Variants in ERBB4 observed in about 807,000 individuals in gnomAD.
ERBB4 encodes receptor tyrosine-protein kinase erbB-4.
Under a neutral mutation model 158.0 loss-of-function variants are expected in ERBB4, and 42 were observed. That is an observed-to-expected ratio of 0.27 (90% CI 0.21 to 0.34). The LOEUF (loss-of-function observed/expected upper bound fraction) is 0.34, where lower values mean the gene tolerates loss of function less well. ERBB4 is among the 10% of genes least tolerant of loss of function. The pLI, the probability that ERBB4 is intolerant of heterozygous loss-of-function variation, is 1.00. For missense variants in ERBB4, 1,333 were observed against 1,624.1 expected, an observed-to-expected ratio of 0.82 and a Z score of 3.08; for synonymous variants, 583 against 558.7, an observed-to-expected ratio of 1.04 and a Z score of -0.61.
intron 1 of ERBB4, among the ~76,000 whole-genome samples, chr2:212,340,225 T>C (rs924876574): frequency 6.6e-6 from 1 of 151,896 alleles, no homozygotes; most frequent in African/African-American, 2.4e-5. Flanking sequence ...AAATACTCCA[T>C]GATCTCAAAT....
chr2:211,565,512 C>T lies in ERBB4; in HGVS notation c.2302-3424G>A, dbSNP rs575589097. Among the ~76,000 whole-genome samples, 71 of 152,194 alleles carry T rather than the reference C, an allele frequency of 4.7e-4. 1 individual carries two copies. The highest frequency in any genetic ancestry group is 1.6e-3 in the African/African-American group (65 of 41,516). On this transcript the variant is annotated intron_variant, in intron 19 of 27. Transcript: ENST00000342788. ...TGATTTGGGCAGTGGAAAATGGGGG[C>T]AGGGAAGGGACAGCAGGGTAGCTAG...
intron 1 of ERBB4, among the ~76,000 whole-genome samples, chr2:212,314,661 G>A (rs2087195664): frequency 6.6e-6 from 1 of 150,704 alleles, no homozygotes; most frequent in South Asian, 2.1e-4. Flanking sequence ...ATTAGCACGT[G>A]AATTTACTTA....
At chr2:212,381,381 T>C (rs1459148201) in intron 1 of ERBB4, among the ~76,000 whole-genome samples, 2 of 151,342 alleles carry the variant, frequency 1.3e-5, no homozygotes, top group Non-Finnish European at 3.0e-5. Context: ...GCCTTTTTCA[T>C]CTGTATACCA....
chr2:212,303,179 C>A (rs2086683981), intron 1 of ERBB4, among the ~76,000 whole-genome samples: 2 of 151,346 alleles, frequency 1.3e-5, no homozygotes, highest in Middle Eastern at 3.2e-3. Context: ...ATAGAAAGGG[C>A]AGGAAAAGCA....
chr2:211,718,342 A>G (rs1559453670), intron 7 of ERBB4, among the ~76,000 whole-genome samples: 1 of 152,254 alleles, frequency 6.6e-6, no homozygotes. Context: ...CATGTCCCTT[A>G]CACACATTGA....
At chr2:212,041,723 G>A (rs1351492434) in intron 2 of ERBB4, among the ~76,000 whole-genome samples, 1 of 151,996 alleles carries the variant, frequency 6.6e-6, no homozygotes, top group African/African-American at 2.4e-5. Context: ...CCTATTCTCT[G>A]CAAAAGCTCA....
intron 5 of ERBB4, among the ~76,000 whole-genome samples, chr2:211,747,854 G>A (rs1371052546): frequency 6.6e-6 from 1 of 151,184 alleles, no homozygotes; most frequent in Non-Finnish European, 1.5e-5. Flanking sequence ...GTCTTTCTTG[G>A]TATCTGCAGT....
At chr2:211,804,289 TGCAGTCA>T in intron 3 of ERBB4, among the ~76,000 whole-genome samples, 1 of 152,332 alleles carries the variant, frequency 6.6e-6, no homozygotes, top group Admixed American at 6.5e-5. Context: ...ACAAAAAGGT[TGCAGTCA>T]GGGATATGTT....
chr2:212,496,220 A>G (rs556198447), intron 1 of ERBB4, among the ~76,000 whole-genome samples: 2 of 152,010 alleles, frequency 1.3e-5, no homozygotes, highest in African/African-American at 2.4e-5. Flanking sequence ...GCAGAAAACC[A>G]GAATAAAGAA....
At chr2:212,198,931 T>C (rs2082512316) in intron 1 of ERBB4, among the ~76,000 whole-genome samples, 1 of 152,040 alleles carries the variant, frequency 6.6e-6, no homozygotes, top group South Asian at 2.1e-4. Flanking sequence ...TTGGGATTGT[T>C]TCCAGCTTTT....
chr2:212,001,158 T>C (rs1028844075), intron 2 of ERBB4, among the ~76,000 whole-genome samples: 2 of 152,150 alleles, frequency 1.3e-5, no homozygotes, highest in Non-Finnish European at 2.9e-5. Context: ...TTTACACTAC[T>C]AGACTTAAAG....
chr2:212,246,947 A>T (rs1283760142), intron 1 of ERBB4, among the ~76,000 whole-genome samples: 1 of 152,194 alleles, frequency 6.6e-6, no homozygotes, highest in African/African-American at 2.4e-5. Flanking sequence ...CTCAACTGAA[A>T]GAAACCTATA....
At chr2:211,876,641 A>T (rs2078511266) in intron 3 of ERBB4, among the ~76,000 whole-genome samples, 1 of 152,186 alleles carries the variant, frequency 6.6e-6, no homozygotes, top group African/African-American at 2.4e-5. Context: ...GTTTATGTGG[A>T]TAGAAATTAA....
At chr2:211,603,633 A>C (rs2068873014) in intron 19 of ERBB4, among the ~76,000 whole-genome samples, 1 of 152,176 alleles carries the variant, frequency 6.6e-6, no homozygotes, top group South Asian at 2.1e-4. Context: ...CCCTTTTATT[A>C]ATCTTGGTCT....
intron 18 of ERBB4, among the ~76,000 whole-genome samples, chr2:211,622,102 C>G (rs575389295): frequency 6.6e-6 from 1 of 152,276 alleles, no homozygotes; most frequent in East Asian, 1.9e-4. Context: ...ATAATCAAGA[C>G]TGCAATTTAG....
At chr2:211,692,025 G>C (rs995221244) in intron 12 of ERBB4, among the ~76,000 whole-genome samples, 7 of 152,160 alleles carry the variant, frequency 4.6e-5, no homozygotes, top group African/African-American at 1.7e-4. Context: ...GGATTGACTT[G>C]AAGGTATATT....
chr2:211,562,032 C>G lies in ERBB4; in HGVS notation c.2358G>C (p.Val786=), dbSNP rs1464695751. The G allele has an allele frequency of 6.2e-7, 1 of 1,614,124 alleles. No individual in the cohort carries two copies. ...DHPHLVRLLG[V]CLSPTIQLVT... The stretch of plus-strand genomic sequence containing the variant: ...CCAGCTGGATGGTTGGGCTCAGACA[C>G]ACACCCAGCAACCGGACTAGGTGTG... Residue 786 remains valine, a synonymous_variant, in exon 20 of 28, where the codon GTG becomes GTC. Transcript: ENST00000342788.
intron 2 of ERBB4, among the ~76,000 whole-genome samples, chr2:211,961,117 A>T (rs924295509): frequency 6.6e-6 from 1 of 152,102 alleles, no homozygotes; most frequent in African/African-American, 2.4e-5. Flanking sequence ...TTTATGAATT[A>T]ATGGTTCTAG....
chr2:212,379,429 T>C (rs1037094552), intron 1 of ERBB4, among the ~76,000 whole-genome samples: 1 of 151,640 alleles, frequency 6.6e-6, no homozygotes, highest in South Asian at 2.1e-4. Context: ...TAATGTACCA[T>C]ATATAAATGC....
Sources: gnomAD v4.1 joint callset for allele counts (sites outside exome capture counted in the v4.1 genomes callset) on GRCh38, gnomAD v4.1.1 for gene constraint, MANE v1.5 for transcripts, NCBI Gene and HGNC (gene_info 2026-07-23, HGNC 2026-07-21) for gene names.